DPP10: variants seen among roughly 807,000 people sequenced by gnomAD.
The protein encoded by DPP10 is inactive dipeptidyl peptidase 10.
A neutral mutation model predicts 120.9 loss-of-function variants in DPP10; 33 were observed. The ratio of observed to expected loss-of-function variants is 0.27; its 90% CI spans 0.21 to 0.37. The LOEUF is 0.37. Among genes scored for constraint, DPP10 ranks in the 10% least tolerant of loss-of-function variants. The probability of loss-of-function intolerance (pLI) is 1.00; values close to 1 mark genes in which losing one functional copy is unlikely to be tolerated. For missense variants in DPP10, 816 were observed against 942.8 expected, an observed-to-expected ratio of 0.87 and a Z score of 1.76; for synonymous variants, 337 against 326.1, an observed-to-expected ratio of 1.03 and a Z score of -0.36.
chr2:115,248,886 T>A (rs2105645624), intron 1 of DPP10, among the ~76,000 whole-genome samples: 1 of 151,774 alleles, frequency 6.6e-6, no homozygotes, highest in South Asian at 2.1e-4. Context: ...CAGGAGAAAA[T>A]CACGATAGTA....
At chr2:114,783,723 A>G (rs557935019) in intron 1 of DPP10, among the ~76,000 whole-genome samples, 1 of 152,036 alleles carries the variant, frequency 6.6e-6, no homozygotes, top group East Asian at 1.9e-4. Flanking sequence ...GATCCCAGCT[A>G]CTTGGAGGGC....
chr2:115,244,779 C>CTA (rs974537831), intron 1 of DPP10, among the ~76,000 whole-genome samples: 43 of 148,630 alleles, frequency 2.9e-4, no homozygotes, highest in Admixed American at 5.4e-4. Flanking sequence ...TTTACCATTG[C>CTA]TATATATATA....
At chr2:115,418,842 GAATA>G (rs1559575540) in intron 3 of DPP10, among the ~76,000 whole-genome samples, 2 of 151,916 alleles carry the variant, frequency 1.3e-5, no homozygotes, top group Non-Finnish European at 2.9e-5. Flanking sequence ...AAAAAATAAA[GAATA>G]AAATAAAATT....
At chr2:114,455,962 G>A (rs768218352) in intron 1 of DPP10, among the ~76,000 whole-genome samples, 9 of 152,124 alleles carry the variant, frequency 5.9e-5, no homozygotes, top group Admixed American at 1.3e-4. Context: ...AGGCAAGCCC[G>A]TTGCATCACA....
chr2:114,565,143 C>T (rs935566393), intron 1 of DPP10, among the ~76,000 whole-genome samples: 5 of 152,168 alleles, frequency 3.3e-5, no homozygotes, highest in Admixed American at 2.0e-4. Context: ...TCAAGAAGGG[C>T]TAATCCTGGC....
chr2:115,127,139 A>G (rs904672598), intron 1 of DPP10, among the ~76,000 whole-genome samples: 31 of 152,174 alleles, frequency 2.0e-4, no homozygotes, highest in Non-Finnish European at 4.1e-4. Context: ...CCTAACTGTT[A>G]AGAATGAGAA....
At chr2:114,810,979 A>C (rs1685122640) in intron 1 of DPP10, among the ~76,000 whole-genome samples, 2 of 152,214 alleles carry the variant, frequency 1.3e-5, no homozygotes, top group African/African-American at 4.8e-5. Flanking sequence ...TTTACAGCCA[A>C]AATGATTGTC....
intron 1 of DPP10, among the ~76,000 whole-genome samples, chr2:114,983,594 G>A (rs1181572209): frequency 6.6e-6 from 1 of 152,014 alleles, no homozygotes; most frequent in African/African-American, 2.4e-5. Flanking sequence ...CTTTATACAT[G>A]GTTAAAGGCT....
chr2:114,939,005 T>C (rs1030710483), intron 1 of DPP10, among the ~76,000 whole-genome samples: 2 of 152,162 alleles, frequency 1.3e-5, no homozygotes, highest in Admixed American at 1.3e-4. Flanking sequence ...TTCATATGTA[T>C]ATTTCCCATA....
At chr2:115,401,777 T>G (rs1458797245) in intron 3 of DPP10, among the ~76,000 whole-genome samples, 1 of 151,992 alleles carries the variant, frequency 6.6e-6, no homozygotes, top group Non-Finnish European at 1.5e-5. Context: ...TCTAATATAT[T>G]AAATTTTCAA....
At chr2:115,501,423 A>G (rs1052274702) in intron 4 of DPP10, among the ~76,000 whole-genome samples, 3 of 151,994 alleles carry the variant, frequency 2.0e-5, no homozygotes, top group South Asian at 4.1e-4. Flanking sequence ...TCCATGTGCT[A>G]ATTATTGCTG....
At chr2:114,747,140 A>T (rs1678651249) in intron 1 of DPP10, among the ~76,000 whole-genome samples, 1 of 152,210 alleles carries the variant, frequency 6.6e-6, no homozygotes. Context: ...AGAAGAATTG[A>T]GGGAGAATGA....
At position 115,405,888 on chromosome 2, in the gene DPP10, TAGG is replaced by T. The variant is rs1489258604; in HGVS notation, c.271+61979_271+61981del. Among the ~76,000 whole-genome samples the T allele has an allele frequency of 5.3e-5, 8 of 152,300 alleles. No homozygotes were observed. The South Asian group carries it at 1.2e-3, about 24-fold the overall frequency. On this transcript the variant is annotated intron_variant, in intron 3 of 25. Coordinates refer to ENST00000410059, the MANE Select transcript of DPP10 (RefSeq NM_020868.6). The stretch of plus-strand genomic sequence containing the variant: ...CCCTTGGAGACCTCTGGGCCTAAGA[TAGG>T]AGAAACAGCCTGGAAGATCTTTGAA...
At chr2:115,286,921 A>C (rs1221058408) in intron 1 of DPP10, among the ~76,000 whole-genome samples, 1 of 152,028 alleles carries the variant, frequency 6.6e-6, no homozygotes, top group Non-Finnish European at 1.5e-5. Flanking sequence ...ATGGCAGCTT[A>C]TAATATTTAA....
chr2:115,022,467 A>AAC (rs1703146050), intron 1 of DPP10, among the ~76,000 whole-genome samples: 1 of 151,540 alleles, frequency 6.6e-6, no homozygotes, highest in African/African-American at 2.4e-5. Flanking sequence ...GACGTGAAAG[A>AAC]ACAACAACAA....
intron 1 of DPP10, among the ~76,000 whole-genome samples, chr2:114,682,575 T>C (rs1468382954): frequency 6.6e-6 from 1 of 150,782 alleles, no homozygotes; most frequent in Non-Finnish European, 1.5e-5. Context: ...GGGTAATTAT[T>C]ATTATTATTA....
At chr2:114,549,989 T>C (rs1687754372) in intron 1 of DPP10, among the ~76,000 whole-genome samples, 1 of 152,058 alleles carries the variant, frequency 6.6e-6, no homozygotes, top group Non-Finnish European at 1.5e-5. Flanking sequence ...CCCCCAAACC[T>C]AAAACTTAGG....
chr2:115,450,974 ATTC>A (rs1237667143), intron 3 of DPP10, among the ~76,000 whole-genome samples: 1 of 151,890 alleles, frequency 6.6e-6, no homozygotes, highest in Non-Finnish European at 1.5e-5. Flanking sequence ...TATGACTAGT[ATTC>A]TTATGGTTGT....
At chr2:114,853,334 A>C (rs1412304831) in intron 1 of DPP10, among the ~76,000 whole-genome samples, 2 of 152,128 alleles carry the variant, frequency 1.3e-5, no homozygotes, top group Non-Finnish European at 2.9e-5. Context: ...TTATAAGTAA[A>C]GCTGGCTCTG....
Sources: gnomAD v4.1 joint callset for allele counts (sites outside exome capture counted in the v4.1 genomes callset) on GRCh38, gnomAD v4.1.1 for gene constraint, MANE v1.5 for transcripts, NCBI Gene and HGNC (gene_info 2026-07-23, HGNC 2026-07-21) for gene names.